ZDHHC14: variants seen among roughly 807,000 people sequenced by gnomAD.
The protein encoded by ZDHHC14 is zDHHC palmitoyltransferase 14, also known as palmitoyltransferase ZDHHC14.
ZDHHC14 carries 16 observed loss-of-function variants against 47.7 expected under a neutral mutation model. The observed-to-expected ratio is 0.34, with a 90% confidence interval of 0.23 to 0.51. The LOEUF is 0.51. Among genes scored for constraint, ZDHHC14 ranks in the 20% least tolerant of loss-of-function variants. The probability of loss-of-function intolerance (pLI) is 0.97; values close to 1 mark genes in which losing one functional copy is unlikely to be tolerated. For synonymous variants in ZDHHC14, 293 were observed against 278.9 expected, an observed-to-expected ratio of 1.05 and a Z score of -0.50; for missense variants, 515 against 662.5, an observed-to-expected ratio of 0.78 and a Z score of 2.44.
At chr6:157,516,667 A>G (rs1398822820) in intron 1 of ZDHHC14, among the ~76,000 whole-genome samples, 1 of 152,260 alleles carries the variant, frequency 6.6e-6, no homozygotes, top group Admixed American at 6.5e-5. Flanking sequence ...ATGCTACAGT[A>G]ATTGTGCAAG....
chr6:157,479,790 A>T (rs1253811976), intron 1 of ZDHHC14, among the ~76,000 whole-genome samples: 1 of 152,240 alleles, frequency 6.6e-6, no homozygotes, highest in Non-Finnish European at 1.5e-5. Flanking sequence ...GCCCAAGTGG[A>T]CACTTCCCTG....
chr6:157,580,970 A>AT (rs1320687020), intron 2 of ZDHHC14, among the ~76,000 whole-genome samples: 8 of 151,188 alleles, frequency 5.3e-5, no homozygotes, highest in Non-Finnish European at 1.0e-4. Flanking sequence ...TAGCTTTAGG[A>AT]TTGGTTTTCC....
At chr6:157,420,066 T>C (rs1475573538) in intron 1 of ZDHHC14, among the ~76,000 whole-genome samples, 1 of 152,264 alleles carries the variant, frequency 6.6e-6, no homozygotes, top group Non-Finnish European at 1.5e-5. Context: ...TTCATGTGCT[T>C]ATTTGCCATC....
chr6:157,614,713 A>G (rs993578065), intron 3 of ZDHHC14, among the ~76,000 whole-genome samples: 1 of 151,288 alleles, frequency 6.6e-6, no homozygotes, highest in Non-Finnish European at 1.5e-5. Context: ...GCTTCCTCAC[A>G]CGGGGCCCCA....
At position 157,672,975 on chromosome 6, in the gene ZDHHC14, G is replaced by A. The variant is rs895837087; in HGVS notation, c.1320G>A (p.Thr440=). The A allele has an allele frequency of 4.4e-6, 7 of 1,595,626 alleles. No individual in the cohort carries two copies. The highest frequency in any genetic ancestry group is 1.3e-5 in the African/African-American group (1 of 74,490). The change falls in exon 9 of 9, where the codon ACG becomes ACA. Residue 440 remains threonine (T), a synonymous_variant. Coordinates refer to ENST00000359775, the MANE Select transcript of ZDHHC14 (RefSeq NM_024630.3). The part of the protein sequence containing the change: ...KDEHMGHQFL[T]PDEAPSPPRL... Reference sequence around the variant, plus strand: ...AGCACATGGGCCACCAGTTCCTGACGCCCGATGAGGCGCCCTCGCCCCCCA... The same window carrying A: ...AGCACATGGGCCACCAGTTCCTGACACCCGATGAGGCGCCCTCGCCCCCCA...
intron 1 of ZDHHC14, among the ~76,000 whole-genome samples, chr6:157,489,790 A>G (rs1174796294): frequency 6.6e-6 from 1 of 152,192 alleles, no homozygotes; most frequent in African/African-American, 2.4e-5. Context: ...TTTGTTTGAG[A>G]CAGGGTCTCA....
Position 157,463,102 on chromosome 6 carries a change from A to G in ZDHHC14, c.246-79483A>G, listed in dbSNP as rs113406183. On this transcript the variant is annotated intron_variant, in intron 1 of 8. Transcript: ENST00000359775. This position sits in a 1 kb window ranked among gnomAD's most constrained non-coding sequence, Gnocchi z 4.4. Reference sequence around the variant, plus strand: ...GCATGTTATATAGAAAGTTTATTACACGAGTTGTTGGCTATTCAGACATGC... The same window carrying G: ...GCATGTTATATAGAAAGTTTATTACGCGAGTTGTTGGCTATTCAGACATGC... 9.9e-3 allele frequency among the ~76,000 whole-genome samples: 1,501 copies of G among 152,340 alleles called. 26 individuals are homozygous for G. Among genetic ancestry groups the G allele is most frequent in the African/African-American group, 0.033 (1,388 of 41,572 alleles).
intron 1 of ZDHHC14, among the ~76,000 whole-genome samples, chr6:157,475,685 C>T (rs753170396): frequency 6.6e-6 from 1 of 152,070 alleles, no homozygotes; most frequent in Non-Finnish European, 1.5e-5. Flanking sequence ...TATATAGAAA[C>T]AACACTGATT....
intron 8 of ZDHHC14, among the ~76,000 whole-genome samples, chr6:157,661,572 A>G (rs930100841): frequency 2.6e-5 from 4 of 152,232 alleles, no homozygotes; most frequent in Admixed American, 2.6e-4. Flanking sequence ...CAAATAGCTT[A>G]TGCAGTGGGG....
At chr6:157,414,761 C>A (rs775260214) in intron 1 of ZDHHC14, among the ~76,000 whole-genome samples, 2 of 149,176 alleles carry the variant, frequency 1.3e-5, no homozygotes, top group African/African-American at 2.5e-5. Flanking sequence ...GACAGACTTA[C>A]GAAATTCCTT....
chr6:157,396,485 T>C (rs1485752540), intron 1 of ZDHHC14, among the ~76,000 whole-genome samples: 1 of 152,134 alleles, frequency 6.6e-6, no homozygotes, highest in Non-Finnish European at 1.5e-5. Flanking sequence ...CTATATATGG[T>C]CTATTTGTCT....
At chr6:157,538,634 A>G (rs1296933740) in intron 1 of ZDHHC14, among the ~76,000 whole-genome samples, 1 of 152,192 alleles carries the variant, frequency 6.6e-6, no homozygotes, top group Non-Finnish European at 1.5e-5. Context: ...AGTGAGGTGC[A>G]TGGAGCATGT....
intron 2 of ZDHHC14, among the ~76,000 whole-genome samples, chr6:157,567,281 C>G (rs1364197061): frequency 1.3e-5 from 2 of 152,160 alleles, no homozygotes; most frequent in African/African-American, 4.8e-5. Flanking sequence ...CTAATTGGAT[C>G]TTGTAATGCA....
chr6:157,585,382 T>G (rs934116925), intron 2 of ZDHHC14, among the ~76,000 whole-genome samples: 35 of 149,228 alleles, frequency 2.3e-4, no homozygotes, highest in Non-Finnish European at 1.5e-5. Flanking sequence ...GAGGCACAAC[T>G]GTTACCAACA....
At chr6:157,468,874 C>T (rs62423913) in intron 1 of ZDHHC14, among the ~76,000 whole-genome samples, 35,986 of 152,092 alleles carry the variant, frequency 0.24, 4,632 homozygotes, top group East Asian at 0.42. Context: ...GACGCTCAGA[C>T]GTGGCGCAGG....
intron 5 of ZDHHC14, among the ~76,000 whole-genome samples, chr6:157,642,836 A>G (rs1777321836): frequency 6.6e-6 from 1 of 152,212 alleles, no homozygotes; most frequent in Non-Finnish European, 1.5e-5. Flanking sequence ...GTGTGTCTGT[A>G]TATCTGTATC....
At chr6:157,661,149 A>G (rs1778328185) in intron 8 of ZDHHC14, among the ~76,000 whole-genome samples, 1 of 151,866 alleles carries the variant, frequency 6.6e-6, no homozygotes, top group Non-Finnish European at 1.5e-5. Flanking sequence ...AAGTTGACTT[A>G]GGCATGTGGA....
chr6:157,391,010 G>T (rs1256539572), intron 1 of ZDHHC14, among the ~76,000 whole-genome samples: 1 of 152,152 alleles, frequency 6.6e-6, no homozygotes, highest in Non-Finnish European at 1.5e-5. Flanking sequence ...GGCCACTAGT[G>T]TGTGTGAGTC....
intron 1 of ZDHHC14, among the ~76,000 whole-genome samples, chr6:157,521,728 T>C (rs758303974): frequency 2.6e-5 from 4 of 152,212 alleles, no homozygotes; most frequent in Non-Finnish European, 5.9e-5. Context: ...GCAGCTTCTT[T>C]GGTGTGAGGA....
Sources: gnomAD v4.1 joint callset for allele counts (sites outside exome capture counted in the v4.1 genomes callset) on GRCh38, gnomAD v4.1.1 for gene constraint, Gnocchi (gnomAD v3.1) non-coding constraint, MANE v1.5 for transcripts, NCBI Gene and HGNC (gene_info 2026-07-23, HGNC 2026-07-21) for gene names.